The following PPARGC1A variants were observed in gnomAD, a reference collection of about 807,000 sequenced individuals.
PPARGC1A encodes the protein PPARG coactivator 1 alpha.
A neutral mutation model predicts 88.7 loss-of-function variants in PPARGC1A; 25 were observed. That is an observed-to-expected ratio of 0.28 (90% CI 0.21 to 0.39). The LOEUF (loss-of-function observed/expected upper bound fraction) is 0.39, where lower values mean the gene tolerates loss of function less well. Ranked by LOEUF, PPARGC1A falls within the 10% of genes least tolerant of loss-of-function variation. The pLI is 1.00. For synonymous variants in PPARGC1A, 363 were observed against 355.6 expected, an observed-to-expected ratio of 1.02 and a Z score of -0.24; for missense variants, 880 against 968.7, an observed-to-expected ratio of 0.91 and a Z score of 1.22.
At chr4:24,409,903 A>G in the PPARGC1A span, among the ~76,000 whole-genome samples, 27 of 152,226 alleles carry the variant, frequency 1.8e-4, no homozygotes, top group South Asian at 2.9e-3. Flanking sequence ...GCTGTGGTCA[A>G]CTCCACAGAG....
At chr4:23,803,257 A>G (rs1719131295) in intron 10 of PPARGC1A, among the ~76,000 whole-genome samples, 1 of 152,192 alleles carries the variant, frequency 6.6e-6, no homozygotes, top group Non-Finnish European at 1.5e-5. Flanking sequence ...ATTTTTAACA[A>G]GCACACCTCA....
chr4:24,117,965 T>C, the PPARGC1A span, among the ~76,000 whole-genome samples: 2 of 152,264 alleles, frequency 1.3e-5, no homozygotes, highest in East Asian at 3.9e-4. Context: ...ATGAATCCTT[T>C]GGAATTCCAC....
the PPARGC1A span, among the ~76,000 whole-genome samples, chr4:24,196,875 CA>C: frequency 6.6e-6 from 1 of 152,184 alleles, no homozygotes; most frequent in Non-Finnish European, 1.5e-5. Context: ...GTTGTTGAAA[CA>C]GGGGGATCTA....
intron 1 of PPARGC1A, among the ~76,000 whole-genome samples, chr4:23,887,118 T>A (rs143037051): frequency 1.3e-5 from 2 of 152,208 alleles, no homozygotes; most frequent in African/African-American, 4.8e-5. Context: ...TTGAAAACCA[T>A]TGAAAAGACC....
the PPARGC1A span, among the ~76,000 whole-genome samples, chr4:24,104,711 A>G: frequency 1.3e-5 from 2 of 152,188 alleles, no homozygotes; most frequent in East Asian, 1.9e-4. Flanking sequence ...GGCTGTTTGT[A>G]TACCTGTGAC....
the PPARGC1A span, among the ~76,000 whole-genome samples, chr4:24,006,360 C>T: frequency 1.3e-5 from 2 of 152,078 alleles, no homozygotes; most frequent in African/African-American, 4.8e-5. Context: ...GTTTTCTTTC[C>T]ATGGGGAGTT....
At chr4:23,909,622 A>C in the PPARGC1A span, among the ~76,000 whole-genome samples, 3 of 151,858 alleles carry the variant, frequency 2.0e-5, no homozygotes, top group Non-Finnish European at 4.4e-5. Context: ...AGGGATGATG[A>C]GGGAGAGACA....
At chr4:24,307,869 C>G in the PPARGC1A span, among the ~76,000 whole-genome samples, 1 of 152,204 alleles carries the variant, frequency 6.6e-6, no homozygotes, top group Admixed American at 6.5e-5. Context: ...CAGTGATATT[C>G]TTTCCGTCAC....
At chr4:24,129,508 A>T in the PPARGC1A span, among the ~76,000 whole-genome samples, 1 of 152,210 alleles carries the variant, frequency 6.6e-6, no homozygotes, top group East Asian at 1.9e-4. Flanking sequence ...AACATAGTAC[A>T]TTGGAAAGAA....
At chr4:24,198,890 A>T in the PPARGC1A span, among the ~76,000 whole-genome samples, 1 of 152,322 alleles carries the variant, frequency 6.6e-6, no homozygotes, top group East Asian at 1.9e-4. Flanking sequence ...CTTACTATGG[A>T]GAACACTCTG....
chr4:24,471,202 C>T, the PPARGC1A span, among the ~76,000 whole-genome samples: 1 of 151,970 alleles, frequency 6.6e-6, no homozygotes. This position sits in a 1 kb window ranked among gnomAD's most constrained non-coding sequence, Gnocchi z 5.4. Context: ...TCCGCGGGGC[C>T]CGGGAATCCC....
At chr4:24,145,505 CTT>C in the PPARGC1A span, among the ~76,000 whole-genome samples, 19 of 152,166 alleles carry the variant, frequency 1.2e-4, no homozygotes, top group Admixed American at 6.5e-5. Context: ...TGAGTTGTTT[CTT>C]TTTGTTTTCT....
chr4:24,375,097 A>G, the PPARGC1A span, among the ~76,000 whole-genome samples: 4 of 151,926 alleles, frequency 2.6e-5, no homozygotes, highest in African/African-American at 9.7e-5. Flanking sequence ...AAATAACCAA[A>G]TATCCACCAT....
At chr4:24,328,038 C>G in the PPARGC1A span, among the ~76,000 whole-genome samples, 1 of 152,238 alleles carries the variant, frequency 6.6e-6, no homozygotes, top group African/African-American at 2.4e-5. Flanking sequence ...AGAGAACAAC[C>G]CCCTTTGACT....
At chr4:23,837,668 G>T (rs1163090173) in intron 2 of PPARGC1A, among the ~76,000 whole-genome samples, 1 of 152,192 alleles carries the variant, frequency 6.6e-6, no homozygotes, top group Non-Finnish European at 1.5e-5. Flanking sequence ...AAATCTGCTA[G>T]AGTAACATCT....
At chr4:23,822,207 A>G (rs1723131706) in intron 7 of PPARGC1A, among the ~76,000 whole-genome samples, 1 of 152,112 alleles carries the variant, frequency 6.6e-6, no homozygotes, top group Admixed American at 6.6e-5. Context: ...TTGATTTCAC[A>G]GTCCTTGCCA....
the PPARGC1A span, among the ~76,000 whole-genome samples, chr4:24,430,496 C>A: frequency 6.6e-6 from 1 of 151,856 alleles, no homozygotes; most frequent in South Asian, 2.1e-4. Flanking sequence ...CTCCTGACCT[C>A]GTGATCCCCC....
chr4:24,043,751 T>C, the PPARGC1A span, among the ~76,000 whole-genome samples: 1 of 152,222 alleles, frequency 6.6e-6, no homozygotes, highest in Non-Finnish European at 1.5e-5. Context: ...GGATTGTATA[T>C]ACAACATACT....
intron 2 of PPARGC1A, among the ~76,000 whole-genome samples, chr4:23,842,133 T>C (rs1727166673): frequency 6.6e-6 from 1 of 152,126 alleles, no homozygotes; most frequent in South Asian, 2.1e-4. Context: ...TAGAATGACA[T>C]AGCATGCATT....
Sources: allele counts gnomAD v4.1 joint callset (sites outside exome capture counted in the v4.1 genomes callset), GRCh38; gene constraint gnomAD v4.1.1; non-coding constraint Gnocchi (gnomAD v3.1); transcripts MANE v1.5; gene names NCBI Gene and HGNC (gene_info 2026-07-23, HGNC 2026-07-21).